PLS1: variants seen among roughly 807,000 people sequenced by gnomAD.
PLS1 encodes plastin 1.
Under a neutral mutation model 73.7 loss-of-function variants are expected in PLS1, and 32 were observed. The ratio of observed to expected loss-of-function variants is 0.43; its 90% CI spans 0.33 to 0.58. PLS1 has a LOEUF of 0.58. PLS1 is among the 20% of genes least tolerant of loss of function. PLS1 has a pLI of 0.04. For synonymous variants in PLS1, 217 were observed against 261.3 expected, an observed-to-expected ratio of 0.83 and a Z score of 1.63; for missense variants, 633 against 740.5, an observed-to-expected ratio of 0.85 and a Z score of 1.68.
intron 12 of PLS1, among the ~76,000 whole-genome samples, chr3:142,699,096 T>G (rs1286672384): frequency 6.6e-6 from 1 of 151,920 alleles, no homozygotes; most frequent in Non-Finnish European, 1.5e-5. Flanking sequence ...TACCTGGACC[T>G]GTCAGGGGTT....
chr3:142,675,204 C>T (rs2037694405), intron 4 of PLS1, among the ~76,000 whole-genome samples: 1 of 152,064 alleles, frequency 6.6e-6, no homozygotes, highest in South Asian at 2.1e-4. Context: ...GTATTTTTTT[C>T]CTTATTTAAT....
intron 14 of PLS1, among the ~76,000 whole-genome samples, chr3:142,707,784 T>C (rs1313269847): frequency 6.6e-6 from 1 of 152,094 alleles, no homozygotes; most frequent in Non-Finnish European, 1.5e-5. Flanking sequence ...AAAACAAGAA[T>C]CACAGTATGG....
chr3:142,690,578 A>C (rs2038065786), intron 10 of PLS1, among the ~76,000 whole-genome samples: 1 of 152,244 alleles, frequency 6.6e-6, no homozygotes, highest in Non-Finnish European at 1.5e-5. Flanking sequence ...AGTTGTAAAC[A>C]CATTAGAACT....
chr3:142,599,904 G>A (rs1215328871), intron 1 of PLS1, among the ~76,000 whole-genome samples: 1 of 152,042 alleles, frequency 6.6e-6, no homozygotes, highest in Non-Finnish European at 1.5e-5. Flanking sequence ...CCACAGGCAC[G>A]TGCCACCATG....
intron 1 of PLS1, among the ~76,000 whole-genome samples, chr3:142,661,678 AAG>A (rs1442902036): frequency 3.3e-5 from 5 of 152,344 alleles, no homozygotes; most frequent in African/African-American, 9.6e-5. Flanking sequence ...GTGTATAAAA[AAG>A]AGGATTTTCC....
intron 1 of PLS1, among the ~76,000 whole-genome samples, chr3:142,616,156 T>C (rs1214545062): frequency 1.3e-5 from 2 of 152,164 alleles, no homozygotes; most frequent in Non-Finnish European, 1.5e-5. Context: ...GCTTTGACAA[T>C]AGGTCCTCAT....
At chr3:142,659,501 T>A (rs922644093) in intron 1 of PLS1, among the ~76,000 whole-genome samples, 135 of 152,298 alleles carry the variant, frequency 8.9e-4, no homozygotes, top group African/African-American at 1.6e-3. Flanking sequence ...TCATTTTTTT[T>A]AAATGTTTTA....
intron 10 of PLS1, among the ~76,000 whole-genome samples, chr3:142,692,780 TA>T (rs1262356866): frequency 2.6e-5 from 4 of 152,228 alleles, no homozygotes; most frequent in Middle Eastern, 3.4e-3. Context: ...TTCATAATTT[TA>T]AGACATTTAG....
In PLS1 at chr3:142,672,173, C is replaced by T. The variant is rs138404141; in HGVS notation, c.364+1051C>T. ...GTATATACATTCATGTAGCTGCCAACCAGAACAAGACATGGAATCTTTTCA... is the reference window on the plus strand; with the variant it reads ...GTATATACATTCATGTAGCTGCCAATCAGAACAAGACATGGAATCTTTTCA... On this transcript the variant is annotated intron_variant, in intron 4 of 15. Transcript: ENST00000457734. Among the ~76,000 whole-genome samples the T allele has an allele frequency of 2.0e-3, 306 of 152,118 alleles. 1 individual carries two copies. The highest frequency in any genetic ancestry group is 7.0e-3 in the African/African-American group (292 of 41,514).
intron 1 of PLS1, among the ~76,000 whole-genome samples, chr3:142,623,055 C>T (rs2036347094): frequency 1.3e-5 from 2 of 152,172 alleles, no homozygotes; most frequent in Non-Finnish European, 2.9e-5. Context: ...TACTCCTGGG[C>T]TCAGGTGGTC....
intron 1 of PLS1, among the ~76,000 whole-genome samples, chr3:142,633,373 G>T (rs1227251253): frequency 6.6e-6 from 1 of 152,208 alleles, no homozygotes; most frequent in East Asian, 1.9e-4. Flanking sequence ...GGGAGCAGTA[G>T]TTCACACCTG....
intron 1 of PLS1, among the ~76,000 whole-genome samples, chr3:142,625,132 T>C (rs1313905059): frequency 6.6e-6 from 1 of 152,158 alleles, no homozygotes; most frequent in Non-Finnish European, 1.5e-5. Flanking sequence ...CACTATTGCT[T>C]GGAACTCTGG....
At chr3:142,702,640 C>T (rs185472728) in intron 12 of PLS1, among the ~76,000 whole-genome samples, 1 of 152,190 alleles carries the variant, frequency 6.6e-6, no homozygotes, top group East Asian at 1.9e-4. Context: ...CAAAAAGACT[C>T]AGATACATAA....
intron 1 of PLS1, among the ~76,000 whole-genome samples, chr3:142,635,635 A>G (rs78998135): frequency 6.6e-6 from 1 of 152,192 alleles, no homozygotes; most frequent in South Asian, 2.1e-4. Flanking sequence ...GAGATATAAC[A>G]TGGTGATGAA....
At chr3:142,675,284 G>C (rs570697511) in intron 4 of PLS1, among the ~76,000 whole-genome samples, 20 of 152,154 alleles carry the variant, frequency 1.3e-4, no homozygotes, top group African/African-American at 4.8e-4. Context: ...ATACATATTT[G>C]GAAATATTTT....
At chr3:142,605,478 C>T (rs1275639026) in intron 1 of PLS1, among the ~76,000 whole-genome samples, 1 of 152,202 alleles carries the variant, frequency 6.6e-6, no homozygotes, top group African/African-American at 2.4e-5. Flanking sequence ...TCAAGTGATT[C>T]TCCTGCTTCA....
chr3:142,710,167 CTTT>C (rs201238880), intron 14 of PLS1, among the ~76,000 whole-genome samples: 102 of 131,608 alleles, frequency 7.8e-4, no homozygotes, highest in African/African-American at 2.6e-3. Context: ...ATTCAGGACT[CTTT>C]TTTTTTTTTT....
intron 1 of PLS1, chr3:142,627,773 A>G (rs1437726365): frequency 6.8e-6 from 1 of 146,872 alleles, no homozygotes; most frequent in Admixed American, 7.1e-5. Flanking sequence ...ATGTACCACC[A>G]TGTCCAGTTA....
chr3:142,678,269 A>G (rs1459234279), intron 6 of PLS1, among the ~76,000 whole-genome samples, 156 bp downstream of exon 6: 3 of 148,048 alleles, frequency 2.0e-5, no homozygotes, highest in East Asian at 2.0e-4. Context: ...TTTTATTTTT[A>G]TTTTATTTTA....
Sources: gnomAD v4.1 joint callset for allele counts (sites outside exome capture counted in the v4.1 genomes callset) on GRCh38, gnomAD v4.1.1 for gene constraint, MANE v1.5 for transcripts, NCBI Gene and HGNC (gene_info 2026-07-23, HGNC 2026-07-21) for gene names.